RBFOX1: variants seen among roughly 807,000 people sequenced by gnomAD.
The protein encoded by RBFOX1 is RNA binding fox-1 homolog 1.
A neutral mutation model predicts 57.7 loss-of-function variants in RBFOX1; 8 were observed. That is an observed-to-expected ratio of 0.14 (90% confidence interval 0.08 to 0.25). The LOEUF (loss-of-function observed/expected upper bound fraction) is 0.25, where lower values mean the gene tolerates loss of function less well. RBFOX1 is among the 10% of genes least tolerant of loss of function. The pLI, the probability that RBFOX1 is intolerant of heterozygous loss-of-function variation, is 1.00. For missense variants in RBFOX1, 611 were observed against 548.5 expected, an observed-to-expected ratio of 1.11 and a Z score of -1.14; for synonymous variants, 326 against 222.4, an observed-to-expected ratio of 1.47 and a Z score of -4.15.
chr16:5,535,972 G>C (rs887783480), intron 2 of RBFOX1, among the ~76,000 whole-genome samples: 1 of 152,102 alleles, frequency 6.6e-6, no homozygotes, highest in African/African-American at 2.4e-5. Context: ...TTTCCGATGA[G>C]TTAGTAAAAG....
intron 14 of RBFOX1, among the ~76,000 whole-genome samples, chr16:7,700,123 G>T (rs1202325765): frequency 6.6e-6 from 1 of 152,042 alleles, no homozygotes; most frequent in East Asian, 1.9e-4. Flanking sequence ...GGAGATGCCA[G>T]TACATAAGAC....
intron 7 of RBFOX1, among the ~76,000 whole-genome samples, chr16:7,591,705 T>G (rs2152924829): frequency 6.6e-6 from 1 of 152,300 alleles, no homozygotes; most frequent in South Asian, 2.1e-4. Flanking sequence ...TCTTGCGGTC[T>G]TGATTTTTTA....
At chr16:5,264,094 A>C (rs531352110) in intron 1 of RBFOX1, among the ~76,000 whole-genome samples, 3 of 152,170 alleles carry the variant, frequency 2.0e-5, no homozygotes, top group Admixed American at 2.0e-4. Context: ...CAGGCTGAGC[A>C]GGAAGGTAAA....
chr16:5,366,217 C>G (rs559840340), intron 1 of RBFOX1: 6 of 410,886 alleles, frequency 1.5e-5, no homozygotes, highest in African/African-American at 1.2e-4. Flanking sequence ...GGGAAGCAGG[C>G]TGCCCCTGGA....
chr16:5,349,546 A>C (rs1355676561), intron 1 of RBFOX1, among the ~76,000 whole-genome samples: 3 of 152,028 alleles, frequency 2.0e-5, no homozygotes, highest in African/African-American at 4.8e-5. Context: ...GGTGGCATGC[A>C]TCTGTAATCC....
chr16:7,529,742 C>G (rs1249578413), intron 5 of RBFOX1, among the ~76,000 whole-genome samples: 1 of 152,116 alleles, frequency 6.6e-6, no homozygotes, highest in African/African-American at 2.4e-5. Flanking sequence ...GGCATGGTAG[C>G]TCACGCATGT....
intron 1 of RBFOX1, among the ~76,000 whole-genome samples, chr16:6,278,032 C>G (rs1389752185): frequency 6.6e-6 from 1 of 152,062 alleles, no homozygotes; most frequent in Non-Finnish European, 1.5e-5. Flanking sequence ...GTGAAGTTCC[C>G]TTACTTTGTA....
In RBFOX1 at chr16:5,290,355, C is replaced by G. The variant is rs140028991; in HGVS notation, c.219+50250C>G. ...CCAGCCTGTGACAGAGACTCTATCTCAAAAAAAGTAGATTGTCAGGGCTTA... is the reference window on the plus strand; with the variant it reads ...CCAGCCTGTGACAGAGACTCTATCTGAAAAAAAGTAGATTGTCAGGGCTTA... On this transcript the variant is annotated intron_variant, in intron 1 of 2. Coordinates refer to the RBFOX1 transcript ENST00000585867. 9.5e-3 allele frequency among the ~76,000 whole-genome samples: 1,440 copies of G among 152,008 alleles called. 22 individuals are homozygous for G. Among genetic ancestry groups the G allele is most frequent in the African/African-American group, 0.033 (1,368 of 41,450 alleles).
chr16:6,272,175 A>G (rs905266749), intron 1 of RBFOX1, among the ~76,000 whole-genome samples: 5 of 152,212 alleles, frequency 3.3e-5, no homozygotes, highest in African/African-American at 7.2e-5. Flanking sequence ...TACCCTACCA[A>G]TAGGCTGAAG....
At chr16:6,354,193 C>A (rs1400651503) in intron 2 of RBFOX1, among the ~76,000 whole-genome samples, 1 of 152,070 alleles carries the variant, frequency 6.6e-6, no homozygotes, top group African/African-American at 2.4e-5. Context: ...GCACCCCAGC[C>A]TGGGTGACAG....
At chr16:5,871,435 G>C (rs1013510702) in intron 4 of RBFOX1, among the ~76,000 whole-genome samples, 4 of 152,186 alleles carry the variant, frequency 2.6e-5, no homozygotes, top group Non-Finnish European at 4.4e-5. Context: ...GCCCTGCATG[G>C]TTCCATTTTG....
intron 1 of RBFOX1, among the ~76,000 whole-genome samples, chr16:6,139,704 C>A (rs2096699098): frequency 6.6e-6 from 1 of 152,214 alleles, no homozygotes; most frequent in East Asian, 1.9e-4. Flanking sequence ...CTACTAGCCT[C>A]TTTCTTGCTC....
intron 2 of RBFOX1, among the ~76,000 whole-genome samples, chr16:6,390,834 C>T (rs941912682): frequency 1.3e-5 from 2 of 152,022 alleles, no homozygotes; most frequent in African/African-American, 4.8e-5. Flanking sequence ...GGTTTGGGAA[C>T]CAAGAAAGAG....
intron 4 of RBFOX1, among the ~76,000 whole-genome samples, chr16:7,274,946 A>G (rs2095411706): frequency 6.6e-6 from 1 of 152,100 alleles, no homozygotes; most frequent in Non-Finnish European, 1.5e-5. Context: ...GGCCTCCCAA[A>G]GTGCTGGAAT....
At chr16:7,124,638 T>C (rs1248075780) in intron 4 of RBFOX1, among the ~76,000 whole-genome samples, 1 of 149,106 alleles carries the variant, frequency 6.7e-6, no homozygotes, top group Non-Finnish European at 1.5e-5. Flanking sequence ...CAACACATGA[T>C]AGCCCTCATT....
At chr16:6,066,177 C>T (rs969817569) in intron 1 of RBFOX1, among the ~76,000 whole-genome samples, 4 of 151,444 alleles carry the variant, frequency 2.6e-5, no homozygotes, top group African/African-American at 7.3e-5. Context: ...GCCTGTAGTC[C>T]CAGCTACTTG....
At position 7,474,944 on chromosome 16, in the gene RBFOX1, C is replaced by T. The variant is rs75172513; in HGVS notation, c.28-43203C>T. On this transcript the variant is annotated intron_variant, in intron 4 of 15. Transcript: ENST00000550418. Reference sequence around the variant, plus strand: ...TATGGAGTGCCTGTGTTGGTCAAAGCACCAATGCAGAGCCGCCATCTTTCC... The same window carrying T: ...TATGGAGTGCCTGTGTTGGTCAAAGTACCAATGCAGAGCCGCCATCTTTCC... Among the ~76,000 whole-genome samples the T allele has an allele frequency of 6.5e-3, 988 of 152,284 alleles. 10 individuals are homozygous for T. The highest frequency in any genetic ancestry group is 0.022 in the African/African-American group (902 of 41,558).
At chr16:6,418,516 C>CTTA (rs2093685840) in intron 2 of RBFOX1, among the ~76,000 whole-genome samples, 1 of 127,680 alleles carries the variant, frequency 7.8e-6, no homozygotes. Flanking sequence ...TTCTGCAAGC[C>CTTA]TTATTTTTTT....
At chr16:6,843,932 C>T (rs745770156) in intron 3 of RBFOX1, among the ~76,000 whole-genome samples, 1 of 152,274 alleles carries the variant, frequency 6.6e-6, no homozygotes, top group African/African-American at 2.4e-5. Context: ...GAATTCTCCA[C>T]TGTCTCATGG....
Sources: gnomAD v4.1 joint callset for allele counts (sites outside exome capture counted in the v4.1 genomes callset) on GRCh38, gnomAD v4.1.1 for gene constraint, MANE v1.5 for transcripts, NCBI Gene and HGNC (gene_info 2026-07-23, HGNC 2026-07-21) for gene names.